The following JAZF1 variants were observed in gnomAD, a reference collection of about 807,000 sequenced individuals.
JAZF1 encodes the protein juxtaposed with another zinc finger protein 1.
In JAZF1, 8 loss-of-function variants were observed where a neutral mutation model predicts 26.4. That is an observed-to-expected ratio of 0.30 (90% CI 0.18 to 0.55). The LOEUF is 0.55. Ranked by LOEUF, JAZF1 falls within the 20% of genes least tolerant of loss-of-function variation. The pLI is 0.94. For missense variants in JAZF1, 199 were observed against 322.0 expected (o/e 0.62, Z 2.92); for synonymous variants, 126 against 122.3 (o/e 1.03, Z -0.20).
intron 2 of JAZF1, among the ~76,000 whole-genome samples, chr7:27,940,896 G>C (rs1424063389): frequency 6.6e-6 from 1 of 152,128 alleles, no homozygotes; most frequent in Non-Finnish European, 1.5e-5. Flanking sequence ...TAAATTATAA[G>C]CAAGTACATA....
chr7:28,006,330 C>T (rs976875749), intron 1 of JAZF1, among the ~76,000 whole-genome samples: 1 of 152,006 alleles, frequency 6.6e-6, no homozygotes, highest in Non-Finnish European at 1.5e-5. Flanking sequence ...GACGGCACCA[C>T]TGCACTCCAG....
intron 1 of JAZF1, among the ~76,000 whole-genome samples, chr7:27,997,180 T>C (rs938288823): frequency 2.6e-5 from 4 of 152,058 alleles, no homozygotes; most frequent in Non-Finnish European, 5.9e-5. Context: ...GAAACCCTGA[T>C]AGGCCCCAGA....
intron 2 of JAZF1, among the ~76,000 whole-genome samples, chr7:27,967,713 A>T (rs1785302724): frequency 6.6e-6 from 1 of 152,172 alleles, no homozygotes; most frequent in Non-Finnish European, 1.5e-5. Context: ...TGTTCCTATT[A>T]TTTTTAAATA....
intron 1 of JAZF1, among the ~76,000 whole-genome samples, chr7:27,997,601 A>G (rs938341216): frequency 4.6e-5 from 7 of 152,126 alleles, no homozygotes; most frequent in African/African-American, 1.2e-4. Context: ...GTCTTGCTCT[A>G]TTGCTCAGCT....
intron 1 of JAZF1, among the ~76,000 whole-genome samples, chr7:28,043,383 G>A (rs567389774): frequency 9.2e-5 from 14 of 152,192 alleles, no homozygotes; most frequent in Middle Eastern, 3.4e-3. Flanking sequence ...GAGCCAGAGC[G>A]TGAACTACCC....
intron 1 of JAZF1, among the ~76,000 whole-genome samples, chr7:28,051,176 T>C (rs1343991700): frequency 6.8e-6 from 1 of 147,492 alleles, no homozygotes; most frequent in Non-Finnish European, 1.5e-5. Flanking sequence ...CTACTATAAC[T>C]GTTTTTTTTT....
intron 3 of JAZF1, among the ~76,000 whole-genome samples, chr7:27,861,641 C>G (rs540648285): frequency 4.6e-5 from 7 of 151,938 alleles, no homozygotes; most frequent in Admixed American, 4.6e-4. Context: ...GTCACTGTTT[C>G]TCCGGTGTGC....
At chr7:28,095,573 T>A (rs981504440) in intron 1 of JAZF1, among the ~76,000 whole-genome samples, 2 of 152,170 alleles carry the variant, frequency 1.3e-5, no homozygotes, top group African/African-American at 4.8e-5. Context: ...TAATTCAAGA[T>A]GAGATTTGGG....
At chr7:27,892,806 C>T (rs530240754) in intron 3 of JAZF1, among the ~76,000 whole-genome samples, 1 of 152,252 alleles carries the variant, frequency 6.6e-6, no homozygotes, top group South Asian at 2.1e-4. Flanking sequence ...AGAAGCATGA[C>T]CTTGATTCTG....
At chr7:28,111,257 T>C (rs942891250) in intron 1 of JAZF1, among the ~76,000 whole-genome samples, 1 of 152,262 alleles carries the variant, frequency 6.6e-6, no homozygotes, top group Non-Finnish European at 1.5e-5. Context: ...CTTGCCTGCA[T>C]CCTTGCCACA....
chr7:27,839,019 G>A (rs1008221309), intron 4 of JAZF1, among the ~76,000 whole-genome samples: 1 of 152,186 alleles, frequency 6.6e-6, no homozygotes, highest in African/African-American at 2.4e-5. Context: ...GGGGGAAACT[G>A]CCAGAAACCC....
At chr7:28,112,432 G>A (rs1194190133) in intron 1 of JAZF1, among the ~76,000 whole-genome samples, 1 of 152,142 alleles carries the variant, frequency 6.6e-6, no homozygotes, top group Non-Finnish European at 1.5e-5. Context: ...ACATTAATAA[G>A]AGCACACTTA....
At chr7:28,060,217 C>G (rs1293570221) in intron 1 of JAZF1, among the ~76,000 whole-genome samples, 1 of 152,086 alleles carries the variant, frequency 6.6e-6, no homozygotes, top group African/African-American at 2.4e-5. Flanking sequence ...TACTCTTGCT[C>G]CTTAGACATA....
intron 2 of JAZF1, among the ~76,000 whole-genome samples, chr7:27,938,697 G>T (rs1014899365): frequency 6.6e-6 from 1 of 152,022 alleles, no homozygotes; most frequent in Non-Finnish European, 1.5e-5. Flanking sequence ...TTTGAGATAC[G>T]GTCTGGCTCT....
At chr7:27,912,640 A>G (rs928656608) in intron 2 of JAZF1, among the ~76,000 whole-genome samples, 1 of 152,096 alleles carries the variant, frequency 6.6e-6, no homozygotes, top group Non-Finnish European at 1.5e-5. Flanking sequence ...TAAAACAAAA[A>G]CCTTGAAATT....
intron 1 of JAZF1, among the ~76,000 whole-genome samples, chr7:28,034,310 T>G (rs547528782): frequency 2.8e-4 from 43 of 152,020 alleles, no homozygotes; most frequent in African/African-American, 1.0e-3. Context: ...TTTGGCCAAA[T>G]CCTAGAAGGC....
At chr7:28,058,303 A>G (rs1434061997) in intron 1 of JAZF1, among the ~76,000 whole-genome samples, 1 of 152,236 alleles carries the variant, frequency 6.6e-6, no homozygotes, top group African/African-American at 2.4e-5. Flanking sequence ...TTATGAGTCC[A>G]CAGCAAAGAA....
chr7:28,174,999 C>A (rs991158525), intron 1 of JAZF1, among the ~76,000 whole-genome samples: 1 of 67,150 alleles, frequency 1.5e-5, no homozygotes, highest in African/African-American at 3.2e-5. Context: ...TTTATTAATT[C>A]AGTCATTCCT....
intron 1 of JAZF1, among the ~76,000 whole-genome samples, chr7:28,174,198 C>G (rs1221358203): frequency 1.3e-5 from 2 of 152,268 alleles, no homozygotes; most frequent in Middle Eastern, 3.4e-3. Flanking sequence ...CTGTCAAGAT[C>G]TGAAGGCGGG....
Sources: gnomAD v4.1 joint callset for allele counts (sites outside exome capture counted in the v4.1 genomes callset) on GRCh38, gnomAD v4.1.1 for gene constraint, MANE v1.5 for transcripts, NCBI Gene and HGNC (gene_info 2026-07-23, HGNC 2026-07-21) for gene names.